Variants in SNRPN observed in about 807,000 individuals in gnomAD.
SNRPN encodes small nuclear ribonucleoprotein-associated protein N.
SNRPN carries 7 observed loss-of-function variants against 25.2 expected under a neutral mutation model. The ratio of observed to expected loss-of-function variants is 0.28; its 90% CI spans 0.16 to 0.52. SNRPN has a LOEUF of 0.52. SNRPN is among the 20% of genes least tolerant of loss of function. SNRPN has a pLI of 0.96. For synonymous variants in SNRPN, 124 were observed against 110.6 expected (o/e 1.12, Z -0.76); for missense variants, 196 against 322.5 (o/e 0.61, Z 3.00).
chr15:24,896,880 A>C (rs531554638), intron 2 of SNRPN, among the ~76,000 whole-genome samples: 1 of 152,218 alleles, frequency 6.6e-6, no homozygotes, highest in East Asian at 1.9e-4. Context: ...GTCTGCGCAC[A>C]GTGGTTCACG....
chr15:24,864,522 T>C (rs1008909970), intron 1 of SNRPN, among the ~76,000 whole-genome samples: 2 of 151,878 alleles, frequency 1.3e-5, no homozygotes, highest in African/African-American at 4.8e-5. Flanking sequence ...TTTTGTATTT[T>C]TAGTAGAAAC....
chr15:24,889,668 G>A (rs775252004), intron 2 of SNRPN, among the ~76,000 whole-genome samples: 11 of 152,054 alleles, frequency 7.2e-5, no homozygotes, highest in Non-Finnish European at 1.3e-4. Context: ...TGCAAAGACC[G>A]ACTCCTCTGG....
chr15:24,825,042 G>A (rs1353099579), intron 1 of SNRPN, among the ~76,000 whole-genome samples: 1 of 151,992 alleles, frequency 6.6e-6, no homozygotes, highest in African/African-American at 2.4e-5. Context: ...ATTCTGGGGG[G>A]CACTTATTTA....
intron 3 of SNRPN, among the ~76,000 whole-genome samples, chr15:24,971,244 A>T (rs184243889): frequency 6.6e-6 from 1 of 152,202 alleles, no homozygotes; most frequent in Non-Finnish European, 1.5e-5. Context: ...CAGAAGATAC[A>T]CTATGACTGC....
Position 24,872,231 on chromosome 15 carries a change from A to G in SNRPN, c.-578-14285A>G, listed in dbSNP as rs569917378. Among the ~76,000 whole-genome samples, 24 of 116,046 alleles carry G rather than the reference A, an allele frequency of 2.1e-4. 6 individuals carry two copies. The East Asian group carries it at 7.1e-3, about 34-fold the overall frequency. The allele number at this position is 116,046 out of a possible 152,430, so 76.1% of individuals were successfully genotyped here. A position where few individuals can be genotyped will look rare whatever the true frequency, so the allele number is the denominator to read the frequency against. ...TGCCCAGGTTGGAGTGCAGTGGCAC[A>G]ATCTCAGCTCACTGCAACCTCTGCC... On this transcript the variant is annotated intron_variant, in intron 1 of 11. Transcript: ENST00000400097.
chr15:24,869,928 C>T (rs2148664895), intron 1 of SNRPN, among the ~76,000 whole-genome samples: 1 of 152,194 alleles, frequency 6.6e-6, no homozygotes, highest in South Asian at 2.1e-4. Context: ...TGATTTCATA[C>T]CATTTATTTA....
At chr15:24,949,010 CTTTTTTTTTTT>C (rs869100437) in intron 3 of SNRPN, among the ~76,000 whole-genome samples, 12 of 46,410 alleles carry the variant, frequency 2.6e-4, no homozygotes, top group Non-Finnish European at 4.7e-4. Context: ...TTTGCCTATT[CTTTTTTTTTTT>C]TTTTTTTTTT....
At chr15:24,890,837 C>A (rs1297067139) in intron 2 of SNRPN, among the ~76,000 whole-genome samples, 3 of 152,134 alleles carry the variant, frequency 2.0e-5, no homozygotes, top group Admixed American at 2.0e-4. Flanking sequence ...AGGATCTCAG[C>A]CATGATGCAT....
At chr15:24,917,704 A>G (rs944180701) in intron 2 of SNRPN, among the ~76,000 whole-genome samples, 1 of 152,240 alleles carries the variant, frequency 6.6e-6, no homozygotes, top group Non-Finnish European at 1.5e-5. Flanking sequence ...GCTGCTCTTC[A>G]GGGTTTTCTT....
Position 24,929,782 on chromosome 15 carries a change from A to G in SNRPN, c.-391+9658A>G, listed in dbSNP as rs1028659074. On this transcript the variant is annotated intron_variant, in intron 3 of 11. Coordinates refer to the SNRPN transcript ENST00000400097. The surrounding 1 kb of genome is among the most constrained non-coding windows in gnomAD (Gnocchi z 5.3). ...ATGTGATGATTTTTCTGTCAGTATC[A>G]GTTTCTGCAAGAGCAAAAATTACAT... Among the ~76,000 whole-genome samples the G allele has an allele frequency of 1.3e-5, 2 of 152,234 alleles. No homozygotes were observed. Among genetic ancestry groups the G allele is most frequent in the Non-Finnish European group, 2.9e-5 (2 of 68,032 alleles).
chr15:24,898,161 A>G (rs1403235730), intron 2 of SNRPN, among the ~76,000 whole-genome samples: 2 of 151,260 alleles, frequency 1.3e-5, no homozygotes, highest in Non-Finnish European at 1.5e-5. Context: ...AAGCACTTGG[A>G]AAAAAAACAA....
chr15:24,891,201 A>AT (rs35451517), intron 2 of SNRPN, among the ~76,000 whole-genome samples: 96,802 of 151,136 alleles, frequency 0.64, 31,580 homozygotes, highest in African/African-American at 0.77. Flanking sequence ...GTGTAATGGT[A>AT]TTTTTTTTTG....
At chr15:24,939,437 T>C (rs1014860406) in intron 3 of SNRPN, among the ~76,000 whole-genome samples, 1 of 152,178 alleles carries the variant, frequency 6.6e-6, no homozygotes, top group African/African-American at 2.4e-5. Flanking sequence ...TATATATGTA[T>C]GTATTTATTT....
intron 2 of SNRPN, among the ~76,000 whole-genome samples, chr15:24,894,218 T>TC (rs1244394814): frequency 1.2e-5 from 1 of 82,678 alleles, no homozygotes; most frequent in East Asian, 2.9e-4. Flanking sequence ...AGCCAAATTC[T>TC]TTTTTTTTTT....
At chr15:24,836,749 A>C (rs957563147) in intron 2 of SNRPN, among the ~76,000 whole-genome samples, 5 of 152,106 alleles carry the variant, frequency 3.3e-5, no homozygotes, top group African/African-American at 1.2e-4. Context: ...GTGACACAGG[A>C]GACTACGGAA....
chr15:24,911,780 G>A (rs2059234974), intron 2 of SNRPN, among the ~76,000 whole-genome samples: 1 of 152,226 alleles, frequency 6.6e-6, no homozygotes, highest in Non-Finnish European at 1.5e-5. Context: ...GCAATGTCCA[G>A]CAGAACTATT....
intron 5 of SNRPN, among the ~76,000 whole-genome samples, chr15:24,976,075 A>T (rs2077027008): frequency 6.6e-6 from 1 of 152,230 alleles, no homozygotes; most frequent in Admixed American, 6.5e-5. Flanking sequence ...GTTGTAGTGT[A>T]ACATCAAAGG....
chr15:24,898,432 A>C (rs2058221249), intron 2 of SNRPN, among the ~76,000 whole-genome samples: 1 of 152,120 alleles, frequency 6.6e-6, no homozygotes, highest in South Asian at 2.1e-4. Context: ...TACTAAAAAT[A>C]CAAAAATTAG....
At chr15:24,824,596 G>A (rs1454557058) in intron 1 of SNRPN, among the ~76,000 whole-genome samples, 3 of 151,992 alleles carry the variant, frequency 2.0e-5, no homozygotes, top group Non-Finnish European at 4.4e-5. Context: ...TGTAGAAAGG[G>A]AATTACAATC....
Sources: allele counts gnomAD v4.1 joint callset (sites outside exome capture counted in the v4.1 genomes callset), GRCh38; gene constraint gnomAD v4.1.1; non-coding constraint Gnocchi (gnomAD v3.1); transcripts MANE v1.5; gene names NCBI Gene and HGNC (gene_info 2026-07-23, HGNC 2026-07-21).